The following TBC1D15 variants were observed in gnomAD, a reference collection of about 807,000 sequenced individuals.
TBC1D15 encodes the protein GAP for RAB7.
A neutral mutation model predicts 95.4 loss-of-function variants in TBC1D15; 39 were observed. The observed-to-expected ratio is 0.41, with a 90% CI of 0.32 to 0.53. TBC1D15 has a LOEUF of 0.53. Among genes scored for constraint, TBC1D15 ranks in the 20% least tolerant of loss-of-function variants. The pLI is 0.29. For synonymous variants in TBC1D15, 258 were observed against 261.3 expected (o/e 0.99, Z 0.12); for missense variants, 733 against 794.3 (o/e 0.92, Z 0.93).
chr12:71,869,212 G>A (rs1397266804), intron 1 of TBC1D15, among the ~76,000 whole-genome samples: 1 of 152,072 alleles, frequency 6.6e-6, no homozygotes, highest in African/African-American at 2.4e-5. Context: ...CCTATATGTG[G>A]AATATGTATA....
intron 1 of TBC1D15, among the ~76,000 whole-genome samples, chr12:71,855,411 G>A (rs1888802218): frequency 6.6e-6 from 1 of 151,910 alleles, no homozygotes; most frequent in Non-Finnish European, 1.5e-5. Flanking sequence ...TGAATCATAA[G>A]GCAAACTTGT....
At chr12:71,912,563 AG>A (rs1902653468) in intron 11 of TBC1D15, among the ~76,000 whole-genome samples, 1 of 152,124 alleles carries the variant, frequency 6.6e-6, no homozygotes, top group South Asian at 2.1e-4. Flanking sequence ...TTTTCTCAAG[AG>A]ATTTAGTTTA....
intron 9 of TBC1D15, 115 bp downstream of exon 9, chr12:71,896,895 T>A: frequency 1.6e-6 from 1 of 642,598 alleles, no homozygotes; most frequent in Non-Finnish European, 2.5e-6. Flanking sequence ...GAAAAACAAC[T>A]TCATTTTTAT....
In TBC1D15 at chr12:71,897,839, T is replaced by A; in HGVS notation, c.1089-8T>A. ...TAGCTTTCTTTGATGTCAAATTGTT[T>A]TCTATAGTGATGAATACTTCAGAAT... On this transcript the variant is annotated splice_region_variant and splice_polypyrimidine_tract_variant and intron_variant, in intron 9 of 16. Transcript: ENST00000485960. The A allele has an allele frequency of 6.2e-7, 1 of 1,606,862 alleles. No homozygotes were observed.
At chr12:71,854,935 C>G (rs1401357078) in intron 1 of TBC1D15, 1 of 447,404 alleles carries the variant, frequency 2.2e-6, no homozygotes, top group Admixed American at 2.5e-5. Flanking sequence ...TGATTTAGAT[C>G]CTATTTAAGA....
intron 9 of TBC1D15, 143 bp downstream of exon 9, chr12:71,896,923 A>G (rs907012118): frequency 1.7e-6 from 1 of 579,726 alleles, no homozygotes; most frequent in Non-Finnish European, 3.0e-6. Flanking sequence ...CTTAAAAATT[A>G]TGAGCATTCT....
At chr12:71,921,529 G>A (rs1869337673) in intron 16 of TBC1D15, 75 bp downstream of exon 16, 6 of 922,834 alleles carry the variant, frequency 6.5e-6, no homozygotes, top group Non-Finnish European at 9.3e-6. Flanking sequence ...TTTTCTTCTT[G>A]GAAATAAAAT....
intron 1 of TBC1D15, among the ~76,000 whole-genome samples, chr12:71,867,956 T>A (rs1225437304): frequency 6.6e-6 from 1 of 152,240 alleles, no homozygotes; most frequent in African/African-American, 2.4e-5. Flanking sequence ...CCAATGCAAC[T>A]ATTTTTTTCC....
intron 1 of TBC1D15, among the ~76,000 whole-genome samples, chr12:71,850,695 A>G (rs1468610882): frequency 2.0e-5 from 3 of 152,196 alleles, no homozygotes; most frequent in Admixed American, 6.5e-5. Context: ...ATTGCTATAA[A>G]GAAATAGCTG....
chr12:71,846,755 CTTT>C (rs10651326), intron 1 of TBC1D15, among the ~76,000 whole-genome samples: 13 of 111,164 alleles, frequency 1.2e-4, no homozygotes, highest in Non-Finnish European at 2.0e-4. Flanking sequence ...TTTTATACAG[CTTT>C]TTTTTTTTTT....
intron 1 of TBC1D15, among the ~76,000 whole-genome samples, chr12:71,865,724 C>G (rs888489983): frequency 6.6e-6 from 1 of 152,118 alleles, no homozygotes; most frequent in South Asian, 2.1e-4. Context: ...TGTGGGCTAT[C>G]TAGCTCAGCA....
At chr12:71,856,436 T>C (rs1488328977) in intron 1 of TBC1D15, among the ~76,000 whole-genome samples, 3 of 152,212 alleles carry the variant, frequency 2.0e-5, no homozygotes, top group Non-Finnish European at 2.9e-5. Flanking sequence ...TGGCTTCTTA[T>C]GGGAGGAGTC....
chr12:71,909,800 G>A (rs1901732567), intron 11 of TBC1D15, among the ~76,000 whole-genome samples: 1 of 152,106 alleles, frequency 6.6e-6, no homozygotes, highest in Non-Finnish European at 1.5e-5. Flanking sequence ...TTTAGAAATT[G>A]TACTGGTGCT....
At position 71,892,515 on chromosome 12, in the gene TBC1D15, A is replaced by G. The variant is rs77818956; in HGVS notation, c.555-707A>G. Among the ~76,000 whole-genome samples, 1,445 of 152,102 alleles carry G rather than the reference A, an allele frequency of 9.5e-3. 30 individuals carry two copies. Among genetic ancestry groups the G allele is most frequent in the African/African-American group, 0.033 (1,385 of 41,558 alleles). ...ACTGGATAATTTGTCAGATGACTAG[A>G]AATTAGATGTCTGTTTTGGAAACAT... On this transcript the variant is annotated intron_variant, in intron 5 of 16. Coordinates refer to ENST00000485960, the MANE Select transcript of TBC1D15 (RefSeq NM_001146213.3).
chr12:71,907,285 T>C (rs2138899697), intron 11 of TBC1D15, 147 bp downstream of exon 11: 1 of 499,384 alleles, frequency 2.0e-6, no homozygotes, highest in Non-Finnish European at 3.5e-6. Context: ...CTTACAAGGC[T>C]ATGGTTCTCA....
chr12:71,911,850 C>A (rs1403704434), intron 11 of TBC1D15, among the ~76,000 whole-genome samples: 1 of 152,062 alleles, frequency 6.6e-6, no homozygotes, highest in Admixed American at 6.6e-5. Context: ...TGACAACTTG[C>A]TTCAGCTAAG....
In TBC1D15 at chr12:71,923,062, A is replaced by G. The variant is rs1366796776; in HGVS notation, c.1883A>G (p.Asp628Gly). 3 of 1,614,110 alleles carry G rather than the reference A, an allele frequency of 1.9e-6. No individual in the cohort carries two copies. The highest frequency in any genetic ancestry group is 2.5e-6 in the Non-Finnish European group (3 of 1,180,046). The change falls in exon 17 of 17, where the codon GAC (aspartate) becomes GGC (glycine). Residue 628 changes from aspartate (D) to glycine (G), a missense_variant. Transcript: ENST00000485960. ...VTTPDSDVGE[D>G]ENVVMTPCPT... is the part of the protein sequence containing the mutation. ...ACACCAGATTCAGACGTTGGTGAAG[A>G]CGAAAATGTTGTCATGACTCCTTGT...
intron 6 of TBC1D15, among the ~76,000 whole-genome samples, chr12:71,893,630 C>G (rs896369811): frequency 5.3e-5 from 8 of 151,718 alleles, no homozygotes; most frequent in South Asian, 4.1e-4. Flanking sequence ...ATTGATTAGG[C>G]CAGGGATCAC....
At chr12:71,891,904 T>A (rs1897260145) in intron 5 of TBC1D15, among the ~76,000 whole-genome samples, 1 of 152,140 alleles carries the variant, frequency 6.6e-6, no homozygotes, top group South Asian at 2.1e-4. Context: ...TTGACTTTCA[T>A]GAGCATTTTT....
Sources: allele counts gnomAD v4.1 joint callset (sites outside exome capture counted in the v4.1 genomes callset), GRCh38; gene constraint gnomAD v4.1.1; transcripts MANE v1.5; gene names NCBI Gene and HGNC (gene_info 2026-07-23, HGNC 2026-07-21).